The following DLGAP2 variants were observed in gnomAD, a reference collection of about 807,000 sequenced individuals.
DLGAP2 encodes DLG associated protein 2.
Under a neutral mutation model 100.3 loss-of-function variants are expected in DLGAP2, and 26 were observed. The ratio of observed to expected loss-of-function variants is 0.26; its 90% CI spans 0.19 to 0.36. The LOEUF is 0.36. Among genes scored for constraint, DLGAP2 ranks in the 10% least tolerant of loss-of-function variants. The pLI is 1.00. For synonymous variants in DLGAP2, 886 were observed against 630.1 expected, an observed-to-expected ratio of 1.41 and a Z score of -6.08; for missense variants, 1,858 against 1,453.2, an observed-to-expected ratio of 1.28 and a Z score of -4.53.
chr8:1,464,755 A>G (rs1584930270), intron 3 of DLGAP2, among the ~76,000 whole-genome samples: 1 of 152,320 alleles, frequency 6.6e-6, no homozygotes, highest in East Asian at 1.9e-4. Flanking sequence ...TCACTGCCTC[A>G]CGCCTCACCG....
At chr8:1,275,601 C>G (rs373146473) in intron 3 of DLGAP2, among the ~76,000 whole-genome samples, 1 of 150,290 alleles carries the variant, frequency 6.7e-6, no homozygotes, top group African/African-American at 2.5e-5. Flanking sequence ...TAATGCAAAA[C>G]CTCTATTTGT....
chr8:1,485,951 C>G (rs1314201882), intron 3 of DLGAP2, among the ~76,000 whole-genome samples: 1 of 152,144 alleles, frequency 6.6e-6, no homozygotes, highest in Non-Finnish European at 1.5e-5. Flanking sequence ...CGCTTGAACC[C>G]CGGAGGTGGA....
chr8:1,164,999 T>G (rs1044106194), intron 2 of DLGAP2, among the ~76,000 whole-genome samples: 1 of 152,082 alleles, frequency 6.6e-6, no homozygotes, highest in African/African-American at 2.4e-5. Flanking sequence ...AGTTGGAGAC[T>G]GTTATGAGTT....
At chr8:795,667 T>TCCGGTGAGAGCAGGC (rs1563437537) in intron 1 of DLGAP2, among the ~76,000 whole-genome samples, 1 of 29,462 alleles carries the variant, frequency 3.4e-5, no homozygotes, top group African/African-American at 1.6e-4. Context: ...TGAGAGCAGG[T>TCCGGTGAGAGCAGGC]GTCCAGTGAG....
intron 2 of DLGAP2, among the ~76,000 whole-genome samples, chr8:1,210,003 A>C (rs1798070354): frequency 6.6e-6 from 1 of 152,194 alleles, no homozygotes; most frequent in Non-Finnish European, 1.5e-5. Flanking sequence ...AATCTCCAGG[A>C]TTCAGTGTCA....
rs73671258 is a variant in DLGAP2, at chr8:1,620,125, C to G, written c.1443-6615C>G. The stretch of plus-strand genomic sequence containing the variant: ...TTCCTGACAAGTTGTTCAAAAGTTC[C>G]ACTCATACTTCCATTTTCTTACCTT... On this transcript the variant is annotated intron_variant, in intron 6 of 14. Coordinates refer to ENST00000637795, the MANE Select transcript of DLGAP2 (RefSeq NM_001346810.2). 3.4e-3 allele frequency among the ~76,000 whole-genome samples: 512 copies of G among 152,272 alleles called. 3 individuals carry two copies. The highest frequency in any genetic ancestry group is 0.012 in the African/African-American group (495 of 41,546).
At chr8:862,395 C>T (rs1161280791) in intron 1 of DLGAP2, among the ~76,000 whole-genome samples, 9 of 151,908 alleles carry the variant, frequency 5.9e-5, no homozygotes, top group Admixed American at 2.6e-4. Context: ...CTCCGCCTTC[C>T]GGGTTCATGC....
At chr8:1,171,825 G>A (rs1346469006) in intron 2 of DLGAP2, among the ~76,000 whole-genome samples, 3 of 152,112 alleles carry the variant, frequency 2.0e-5, no homozygotes, top group East Asian at 1.9e-4. Flanking sequence ...GATGGGTCTT[G>A]ACTCTTTATC....
intron 8 of DLGAP2, among the ~76,000 whole-genome samples, chr8:1,641,933 CTCGA>C (rs1797915505): frequency 2.3e-5 from 3 of 128,456 alleles, no homozygotes; most frequent in African/African-American, 1.0e-4. Context: ...CTGTGTCACC[CTCGA>C]CCCCGCCGGT....
At chr8:782,521 A>G (rs1049487349) in intron 1 of DLGAP2, among the ~76,000 whole-genome samples, 13 of 152,200 alleles carry the variant, frequency 8.5e-5, no homozygotes, top group African/African-American at 3.1e-4. Context: ...CAATCTCTAC[A>G]TGTCAATATT....
intron 2 of DLGAP2, among the ~76,000 whole-genome samples, chr8:1,011,954 G>C (rs972682800): frequency 6.6e-6 from 1 of 152,168 alleles, no homozygotes; most frequent in Non-Finnish European, 1.5e-5. Context: ...CGTGTAGACG[G>C]ATGTCTCGGC....
At chr8:921,873 T>A (rs1266626396) in intron 2 of DLGAP2, among the ~76,000 whole-genome samples, 2 of 152,230 alleles carry the variant, frequency 1.3e-5, no homozygotes, top group Non-Finnish European at 2.9e-5. Flanking sequence ...TCTGAGAACG[T>A]GCATCTTCCA....
chr8:1,126,992 G>A (rs906110868), intron 2 of DLGAP2, among the ~76,000 whole-genome samples: 23 of 150,822 alleles, frequency 1.5e-4, no homozygotes, highest in African/African-American at 5.6e-4. Context: ...TTCTGCTTGT[G>A]TTCCTGGAGC....
intron 2 of DLGAP2, among the ~76,000 whole-genome samples, chr8:924,075 G>T (rs1267189770): frequency 6.6e-6 from 1 of 152,206 alleles, no homozygotes; most frequent in African/African-American, 2.4e-5. Flanking sequence ...GTAGATAGGA[G>T]CCTATAAACA....
intron 2 of DLGAP2, among the ~76,000 whole-genome samples, chr8:966,426 C>T (rs886221965): frequency 2.6e-5 from 4 of 152,096 alleles, no homozygotes; most frequent in East Asian, 1.9e-4. Flanking sequence ...AAACCAACTC[C>T]GCAGGAAAGT....
chr8:794,561 A>G (rs1457163359), intron 1 of DLGAP2, among the ~76,000 whole-genome samples: 7 of 152,198 alleles, frequency 4.6e-5, no homozygotes, highest in Non-Finnish European at 1.0e-4. Flanking sequence ...TAAAGCACAG[A>G]TCACTCATGT....
intron 4 of DLGAP2, among the ~76,000 whole-genome samples, chr8:1,533,539 G>A (rs1370053033): frequency 6.6e-6 from 1 of 151,812 alleles, no homozygotes; most frequent in African/African-American, 2.4e-5. Flanking sequence ...TCCTAAAAAT[G>A]CTGTGTGCAC....
intron 1 of DLGAP2, among the ~76,000 whole-genome samples, chr8:857,975 A>G (rs1275756491): frequency 2.7e-5 from 4 of 150,844 alleles, no homozygotes; most frequent in Non-Finnish European, 5.9e-5. Context: ...GATTCAAGTG[A>G]TTCTTGGGCC....
chr8:912,900 T>C (rs4735955), intron 2 of DLGAP2, among the ~76,000 whole-genome samples: 67,525 of 150,288 alleles, frequency 0.45, 15,390 homozygotes, highest in Admixed American at 0.56. Context: ...ATCCCCGCAC[T>C]GTGGTGCCCG....
Sources: gnomAD v4.1 joint callset for allele counts (sites outside exome capture counted in the v4.1 genomes callset) on GRCh38, gnomAD v4.1.1 for gene constraint, MANE v1.5 for transcripts, NCBI Gene and HGNC (gene_info 2026-07-23, HGNC 2026-07-21) for gene names.